The following TBL1Y variants were observed in gnomAD, a reference collection of about 807,000 sequenced individuals.
The protein encoded by TBL1Y is transducin beta like 1 Y-linked.
A neutral mutation model predicts 12.0 loss-of-function variants in TBL1Y; 15 were observed. The observed-to-expected ratio is 1.25, with a 90% CI of 0.83 to 1.92. TBL1Y has a LOEUF of 1.92. Ranked by LOEUF, TBL1Y falls within the 40% of genes most tolerant of loss-of-function variation. The probability of loss-of-function intolerance (pLI) is 0.00; values close to 1 mark genes in which losing one functional copy is unlikely to be tolerated. For synonymous variants in TBL1Y, 53 were observed against 42.6 expected (o/e 1.24, Z -0.95); for missense variants, 148 against 116.7 (o/e 1.27, Z -1.24).
chrY:6,923,978 TA>T (rs2011803450), intron 2 of TBL1Y, among the ~76,000 whole-genome samples: 3 of 30,036 alleles, frequency 1.0e-4, no homozygotes, highest in African/African-American at 3.9e-4. Context: ...TGCCCTGCTT[TA>T]AAAAAAAAAA....
chrY:6,973,469 C>G, intron 2 of TBL1Y, among the ~76,000 whole-genome samples: 2 of 33,673 alleles, frequency 5.9e-5, no homozygotes, highest in Non-Finnish European at 7.3e-5. Flanking sequence ...ATGGGACTCT[C>G]TGTTGATGCT....
At chrY:7,089,456 C>T in intron 17 of TBL1Y, among the ~76,000 whole-genome samples, 6 of 32,134 alleles carry the variant, frequency 1.9e-4, no homozygotes, top group African/African-American at 7.4e-4. Context: ...GAACTCAGAC[C>T]ATAAAGTCAG....
chrY:6,919,122 A>G lies in TBL1Y; in HGVS notation c.-266+6950A>G. On this transcript the variant is annotated intron_variant, in intron 2 of 18. Transcript: ENST00000383032. ...CTGGTCTCAAACTGCTGATCTCATGATCCACTTGCCTCGGCTTCCCAAAGT... is the reference window on the plus strand; with the variant it reads ...CTGGTCTCAAACTGCTGATCTCATGGTCCACTTGCCTCGGCTTCCCAAAGT... 9.1e-5 allele frequency: 3 copies of G among 32,875 alleles called. No homozygotes were observed. In the East Asian group the frequency reaches 2.5e-3, roughly 27 times the overall value. The allele number at this position is 32,875 out of a possible 400,897, so 8.2% of individuals were successfully genotyped here.
At chrY:7,007,744 G>A (rs1603037586) in intron 4 of TBL1Y, among the ~76,000 whole-genome samples, 1 of 33,509 alleles carries the variant, frequency 3.0e-5, no homozygotes, top group Admixed American at 2.7e-4. Context: ...GAGTCACTGC[G>A]CCTGGCCTAT....
intron 8 of TBL1Y, among the ~76,000 whole-genome samples, chrY:7,068,371 C>G (rs543970052): frequency 2.4e-3 from 79 of 32,610 alleles, no homozygotes; most frequent in African/African-American, 8.6e-3. Context: ...CTGAGACAAT[C>G]GGGCCCTTTT....
At chrY:6,911,682 C>G in intron 1 of TBL1Y, among the ~76,000 whole-genome samples, 1 of 34,820 alleles carries the variant, frequency 2.9e-5, no homozygotes, top group Non-Finnish European at 7.2e-5. Flanking sequence ...CCTGTTGATC[C>G]TAGGTTCTGG....
At chrY:7,064,509 G>C (rs931619373) in intron 8 of TBL1Y, among the ~76,000 whole-genome samples, 5 of 33,562 alleles carry the variant, frequency 1.5e-4, no homozygotes, top group African/African-American at 2.3e-4. Context: ...CCAAATTGTG[G>C]TATAATCATT....
intron 3 of TBL1Y, among the ~76,000 whole-genome samples, chrY:6,986,652 TAG>T (rs2012319753): frequency 3.3e-5 from 1 of 30,546 alleles, no homozygotes; most frequent in Admixed American, 3.0e-4. Flanking sequence ...CCAGTCTGAG[TAG>T]AGAGAATCCT....
At chrY:7,074,925 G>T in intron 13 of TBL1Y, among the ~76,000 whole-genome samples, 3 of 32,773 alleles carry the variant, frequency 9.2e-5, no homozygotes, top group African/African-American at 3.6e-4. Context: ...ACTTTAGACT[G>T]ATTTAAAATG....
chrY:7,024,118 A>G (rs2012600589), intron 5 of TBL1Y, among the ~76,000 whole-genome samples: 2 of 33,689 alleles, frequency 5.9e-5, no homozygotes, highest in Non-Finnish European at 1.5e-4. Context: ...CATGGTTTAT[A>G]TGTGCCACAT....
At chrY:7,032,414 G>A in intron 6 of TBL1Y, among the ~76,000 whole-genome samples, 1 of 33,215 alleles carries the variant, frequency 3.0e-5, no homozygotes, top group Non-Finnish European at 7.4e-5. Context: ...AGTCTCAGAA[G>A]AGAGAACCAC....
At chrY:7,006,169 A>G (rs749375927) in intron 4 of TBL1Y, among the ~76,000 whole-genome samples, 1 of 33,833 alleles carries the variant, frequency 3.0e-5, no homozygotes, top group Non-Finnish European at 7.3e-5. Flanking sequence ...CATTTAACTT[A>G]TTATTTTATT....
chrY:6,987,482 G>A, intron 3 of TBL1Y, among the ~76,000 whole-genome samples: 1 of 31,920 alleles, frequency 3.1e-5, no homozygotes, highest in South Asian at 7.3e-4. Context: ...TGTATTTTTA[G>A]TACAAACAGG....
intron 13 of TBL1Y, among the ~76,000 whole-genome samples, chrY:7,076,563 AG>A (rs2013063700): frequency 9.2e-5 from 3 of 32,460 alleles, no homozygotes; most frequent in Non-Finnish European, 2.3e-4. Context: ...TGGCTGTGGC[AG>A]GCTTGTGTTT....
intron 2 of TBL1Y, among the ~76,000 whole-genome samples, chrY:6,967,671 C>G: frequency 2.9e-5 from 1 of 34,259 alleles, no homozygotes; most frequent in South Asian, 6.5e-4. Flanking sequence ...AGCTGTGAAC[C>G]ATGATGCCTA....
rs1284937475 is a variant in TBL1Y, at chrY:7,071,728, A to G, written c.797-5A>G. The G allele has an allele frequency of 5.0e-6, 2 of 397,073 alleles. No homozygotes were observed. Among genetic ancestry groups the G allele is most frequent in the Non-Finnish European group, 7.1e-6 (2 of 282,474 alleles). ...CAGAATCAACATGTTTGTTTTTACTAACAGGTAACCTGGCCAGCACCTTAG... is the reference window on the plus strand; with the variant it reads ...CAGAATCAACATGTTTGTTTTTACTGACAGGTAACCTGGCCAGCACCTTAG... On this transcript the variant is annotated splice_region_variant and splice_polypyrimidine_tract_variant and intron_variant, in intron 11 of 18. Transcript: ENST00000383032.
chrY:7,062,518 G>C (rs957051224), intron 7 of TBL1Y, among the ~76,000 whole-genome samples: 3 of 33,315 alleles, frequency 9.0e-5, no homozygotes, highest in Non-Finnish European at 1.5e-4. Context: ...ACCTATGAAG[G>C]TATTGGGGGG....
chrY:7,003,016 GTTA>G (rs2012462151), intron 4 of TBL1Y, among the ~76,000 whole-genome samples: 2 of 33,999 alleles, frequency 5.9e-5, no homozygotes, highest in Non-Finnish European at 1.5e-4. Flanking sequence ...TCTATGAGCT[GTTA>G]TTATTATTTT....
intron 7 of TBL1Y, among the ~76,000 whole-genome samples, chrY:7,058,945 CAGTT>C (rs2012839550): frequency 3.0e-5 from 1 of 33,472 alleles, no homozygotes; most frequent in African/African-American, 1.2e-4. Context: ...ATTTACCTGA[CAGTT>C]AGCAGGGAGG....
Sources: gnomAD v4.1 joint callset for allele counts (sites outside exome capture counted in the v4.1 genomes callset) on GRCh38, gnomAD v4.1.1 for gene constraint, MANE v1.5 for transcripts, NCBI Gene and HGNC (gene_info 2026-07-23, HGNC 2026-07-21) for gene names.